Variants in ARHGAP15 observed in about 807,000 individuals in gnomAD.
The protein encoded by ARHGAP15 is rho GTPase-activating protein 15.
Under a neutral mutation model 63.7 loss-of-function variants are expected in ARHGAP15, and 51 were observed. The observed-to-expected ratio is 0.80, with a 90% CI of 0.64 to 1.01. ARHGAP15 has a LOEUF of 1.01. Among genes scored for constraint, ARHGAP15 ranks in the 50% least tolerant of loss-of-function variants. The probability of loss-of-function intolerance (pLI) is 0.00; values close to 1 mark genes in which losing one functional copy is unlikely to be tolerated. For synonymous variants in ARHGAP15, 191 were observed against 193.8 expected, an observed-to-expected ratio of 0.99 and a Z score of 0.12; for missense variants, 560 against 564.6, an observed-to-expected ratio of 0.99 and a Z score of 0.08.
intron 12 of ARHGAP15, among the ~76,000 whole-genome samples, chr2:143,625,852 A>G (rs758976725): frequency 6.6e-6 from 1 of 152,036 alleles, no homozygotes; most frequent in Non-Finnish European, 1.5e-5. Context: ...AGTGAGGATG[A>G]TCTCATTTGG....
chr2:143,581,962 G>C (rs1312606772), intron 11 of ARHGAP15, among the ~76,000 whole-genome samples: 1 of 152,188 alleles, frequency 6.6e-6, no homozygotes, highest in Non-Finnish European at 1.5e-5. Context: ...AAAGACTCTG[G>C]AAAGTGATAA....
chr2:143,143,414 T>A (rs1336637473), intron 1 of ARHGAP15, among the ~76,000 whole-genome samples: 2 of 135,570 alleles, frequency 1.5e-5, no homozygotes, highest in Admixed American at 7.1e-5. Context: ...CAGTAAAAAA[T>A]TTCAGTTTAA....
At chr2:143,155,736 G>C in intron 2 of ARHGAP15, 81 bp downstream of exon 2, 1 of 1,380,906 alleles carries the variant, frequency 7.2e-7, no homozygotes, top group Non-Finnish European at 9.7e-7. Context: ...AATTAGTCTT[G>C]TTTTATTTGT....
intron 6 of ARHGAP15, among the ~76,000 whole-genome samples, chr2:143,279,350 T>A (rs1397529860): frequency 2.6e-5 from 4 of 152,128 alleles, no homozygotes; most frequent in Non-Finnish European, 5.9e-5. Context: ...GGAAGTACAT[T>A]CCTGAGTTTC....
At chr2:143,669,358 T>C (rs1682398503) in intron 12 of ARHGAP15, among the ~76,000 whole-genome samples, 1 of 152,200 alleles carries the variant, frequency 6.6e-6, no homozygotes. Context: ...TGGACATGAA[T>C]CACTTACCTA....
At chr2:143,684,357 G>T (rs552931718) in intron 12 of ARHGAP15, among the ~76,000 whole-genome samples, 1 of 152,072 alleles carries the variant, frequency 6.6e-6, no homozygotes, top group Non-Finnish European at 1.5e-5. Flanking sequence ...GGGGGTTAAG[G>T]GTGTTTCTGC....
intron 6 of ARHGAP15, among the ~76,000 whole-genome samples, chr2:143,342,017 A>G (rs1237842244): frequency 1.3e-5 from 2 of 152,148 alleles, no homozygotes; most frequent in Admixed American, 6.6e-5. Flanking sequence ...AGCTTATCCA[A>G]TATTCTTCAC....
intron 12 of ARHGAP15, among the ~76,000 whole-genome samples, chr2:143,632,581 A>G (rs1377003310): frequency 6.6e-6 from 1 of 152,184 alleles, no homozygotes; most frequent in Admixed American, 6.6e-5. Flanking sequence ...ATTAAAATGC[A>G]GACTATTAGC....
chr2:143,331,092 C>G (rs1413534679), intron 6 of ARHGAP15, among the ~76,000 whole-genome samples: 1 of 152,162 alleles, frequency 6.6e-6, no homozygotes, highest in Admixed American at 6.5e-5. Flanking sequence ...CTAGGAAGAT[C>G]AGATGTGAAT....
At chr2:143,445,128 T>C (rs1690069980) in intron 8 of ARHGAP15, among the ~76,000 whole-genome samples, 2 of 149,302 alleles carry the variant, frequency 1.3e-5, no homozygotes, top group South Asian at 4.2e-4. Flanking sequence ...TTCTCCAAAA[T>C]TGAAGTCAAA....
chr2:143,663,611 A>G (rs1174957029), intron 12 of ARHGAP15, among the ~76,000 whole-genome samples: 1 of 152,116 alleles, frequency 6.6e-6, no homozygotes, highest in African/African-American at 2.4e-5. Context: ...ATTAAAAGAC[A>G]CAGACTGGCA....
chr2:143,346,727 C>T (rs1246348115), intron 6 of ARHGAP15, among the ~76,000 whole-genome samples: 1 of 152,032 alleles, frequency 6.6e-6, no homozygotes, highest in Non-Finnish European at 1.5e-5. Context: ...ATTATTTTGT[C>T]AGTTTGTTTC....
intron 11 of ARHGAP15, among the ~76,000 whole-genome samples, chr2:143,568,109 G>A (rs1241620630): frequency 6.6e-6 from 1 of 151,992 alleles, no homozygotes; most frequent in Non-Finnish European, 1.5e-5. Flanking sequence ...CATAGGCATG[G>A]GCAAGGACTT....
At chr2:143,664,295 A>G (rs1268054075) in intron 12 of ARHGAP15, among the ~76,000 whole-genome samples, 3 of 150,542 alleles carry the variant, frequency 2.0e-5, no homozygotes, top group Non-Finnish European at 3.0e-5. Flanking sequence ...ATGGAAACTG[A>G]ACAACCTGCT....
intron 2 of ARHGAP15, among the ~76,000 whole-genome samples, chr2:143,162,974 T>C (rs370072151): frequency 6.6e-6 from 1 of 152,190 alleles, no homozygotes; most frequent in African/African-American, 2.4e-5. Flanking sequence ...TATTTATGCC[T>C]GTATGTCTTC....
intron 13 of ARHGAP15, among the ~76,000 whole-genome samples, chr2:143,712,636 A>G (rs1338346137): frequency 6.6e-6 from 1 of 152,216 alleles, no homozygotes; most frequent in African/African-American, 2.4e-5. Flanking sequence ...GAGTCTGAGA[A>G]TGGCACGCAT....
intron 6 of ARHGAP15, among the ~76,000 whole-genome samples, chr2:143,426,350 C>T (rs2105065856): frequency 6.6e-6 from 1 of 152,038 alleles, no homozygotes; most frequent in South Asian, 2.1e-4. Context: ...ATATTTAAAT[C>T]CCAGAAGCTT....
intron 6 of ARHGAP15, among the ~76,000 whole-genome samples, chr2:143,433,835 A>G (rs927753715): frequency 3.9e-5 from 6 of 152,122 alleles, no homozygotes; most frequent in Non-Finnish European, 8.8e-5. Flanking sequence ...GTCTTTGTGT[A>G]TGTTAACAAA....
intron 1 of ARHGAP15, among the ~76,000 whole-genome samples, chr2:143,145,589 A>T (rs115393429): frequency 3.2e-4 from 48 of 152,180 alleles, no homozygotes; most frequent in African/African-American, 1.1e-3. Flanking sequence ...TCAGATTATC[A>T]ATGACTGTTT....
Sources: allele counts gnomAD v4.1 joint callset (sites outside exome capture counted in the v4.1 genomes callset), GRCh38; gene constraint gnomAD v4.1.1; transcripts MANE v1.5; gene names NCBI Gene and HGNC (gene_info 2026-07-23, HGNC 2026-07-21).